GPM6A: variants seen among roughly 807,000 people sequenced by gnomAD.
GPM6A encodes glycoprotein M6A, also known as neuronal membrane glycoprotein M6-a.
GPM6A carries 7 observed loss-of-function variants against 32.1 expected under a neutral mutation model. That is an observed-to-expected ratio of 0.22 (90% CI 0.12 to 0.41). GPM6A has a LOEUF of 0.41. Ranked by LOEUF, GPM6A falls within the 10% of genes least tolerant of loss-of-function variation. The pLI is 1.00. For synonymous variants in GPM6A, 130 were observed against 123.4 expected (o/e 1.05, Z -0.35); for missense variants, 235 against 347.2 (o/e 0.68, Z 2.57).
At chr4:175,767,291 C>G (rs924495355) in intron 1 of GPM6A, among the ~76,000 whole-genome samples, 1 of 152,148 alleles carries the variant, frequency 6.6e-6, no homozygotes, top group African/African-American at 2.4e-5. Flanking sequence ...AAATCTGCCC[C>G]ATTTTTGGCA....
intron 1 of GPM6A, among the ~76,000 whole-genome samples, chr4:175,940,677 C>T (rs1739378045): frequency 6.6e-6 from 1 of 151,960 alleles, no homozygotes; most frequent in East Asian, 1.9e-4. Flanking sequence ...GGTGCGATCT[C>T]GGCTCACTGC....
chr4:175,679,823 G>C (rs1743580807), intron 2 of GPM6A, among the ~76,000 whole-genome samples: 1 of 152,068 alleles, frequency 6.6e-6, no homozygotes, highest in South Asian at 2.1e-4. Flanking sequence ...ATCCCTTCAA[G>C]CTGGTTCTTG....
intron 2 of GPM6A, among the ~76,000 whole-genome samples, chr4:175,692,969 T>C (rs914235087): frequency 1.9e-4 from 29 of 152,094 alleles, no homozygotes; most frequent in African/African-American, 6.3e-4. Flanking sequence ...TATAGTATAA[T>C]ATTAATTACC....
At chr4:175,986,196 C>T (rs1423836390) in intron 1 of GPM6A, among the ~76,000 whole-genome samples, 2 of 152,058 alleles carry the variant, frequency 1.3e-5, no homozygotes, top group Non-Finnish European at 2.9e-5. Flanking sequence ...AGCTCTTTAA[C>T]CATCCCTCCA....
intron 2 of GPM6A, among the ~76,000 whole-genome samples, chr4:175,674,085 C>G (rs1024244555): frequency 1.3e-5 from 2 of 152,162 alleles, no homozygotes; most frequent in African/African-American, 2.4e-5. Flanking sequence ...TTCTTCTTTT[C>G]TAACTTCTCC....
rs572810366 is a variant in GPM6A, at chr4:175,750,289, C to G, written c.38-48522G>C. Among the ~76,000 whole-genome samples, 6 of 152,172 alleles carry G rather than the reference C, an allele frequency of 3.9e-5. No individual in the cohort carries two copies. In the East Asian group the frequency reaches 1.2e-3, roughly 29 times the overall value. On this transcript the variant is annotated intron_variant, in intron 1 of 6. Coordinates refer to ENST00000393658, the MANE Select transcript of GPM6A (RefSeq NM_201591.3). Reference sequence around the variant, plus strand: ...GCCAGGCTAGTCTGGAACTCTTGACCTCAGGTGATCCACCCGCCTTGGCCT... The same window carrying G: ...GCCAGGCTAGTCTGGAACTCTTGACGTCAGGTGATCCACCCGCCTTGGCCT...
Position 175,637,305 on chromosome 4 carries a change from T to A in GPM6A, c.685-2248A>T, listed in dbSNP as rs1305973622. ...ATTATATAAAATATATATTATATAT[T>A]ATATATAATATAAAATATATATTAT... On this transcript the variant is annotated intron_variant, in intron 6 of 6. Coordinates refer to ENST00000393658, the MANE Select transcript of GPM6A (RefSeq NM_201591.3). 5.6e-4 allele frequency among the ~76,000 whole-genome samples: 44 copies of A among 78,736 alleles called. 1 individual carries two copies. The highest frequency in any genetic ancestry group is 1.7e-3 in the East Asian group (3 of 1,806). The allele number at this position is 78,736 out of a possible 152,430, so 51.7% of individuals were successfully genotyped here. A position where few individuals can be genotyped will look rare whatever the true frequency, so the allele number is the denominator to read the frequency against.
intron 4 of GPM6A, among the ~76,000 whole-genome samples, chr4:175,642,706 G>T (rs1219766818): frequency 2.0e-5 from 3 of 151,768 alleles, no homozygotes; most frequent in African/African-American, 7.3e-5. Flanking sequence ...CTCTTAAGTT[G>T]CAGCTTCCCA....
chr4:175,802,790 A>C (rs558269095), intron 1 of GPM6A, among the ~76,000 whole-genome samples: 3 of 152,218 alleles, frequency 2.0e-5, no homozygotes, highest in African/African-American at 7.2e-5. Flanking sequence ...TTCAGTAACC[A>C]TTTGCTGAAT....
intron 3 of GPM6A, among the ~76,000 whole-genome samples, chr4:175,652,485 T>C (rs1741864095): frequency 6.6e-6 from 1 of 152,082 alleles, no homozygotes; most frequent in South Asian, 2.1e-4. Context: ...TAGTATATAA[T>C]ATTAGTGTGT....
chr4:175,915,871 C>T (rs1320351493), intron 1 of GPM6A, among the ~76,000 whole-genome samples: 1 of 152,172 alleles, frequency 6.6e-6, no homozygotes, highest in African/African-American at 2.4e-5. Flanking sequence ...GTTGTTTGTG[C>T]ATCTCCAAAT....
intron 1 of GPM6A, among the ~76,000 whole-genome samples, chr4:175,731,555 C>T (rs1247032775): frequency 1.3e-5 from 2 of 152,194 alleles, no homozygotes; most frequent in African/African-American, 4.8e-5. Context: ...CAATATCTGG[C>T]ACAGGCCAGG....
At chr4:175,866,663 C>G (rs1010425333) in intron 1 of GPM6A, among the ~76,000 whole-genome samples, 1 of 152,060 alleles carries the variant, frequency 6.6e-6, no homozygotes, top group Non-Finnish European at 1.5e-5. Context: ...AATCCATTCA[C>G]CTACTAAGGA....
At chr4:175,796,745 A>T (rs1258558790) in intron 1 of GPM6A, among the ~76,000 whole-genome samples, 2 of 152,190 alleles carry the variant, frequency 1.3e-5, no homozygotes, top group African/African-American at 4.8e-5. Flanking sequence ...GTGAAGTTTA[A>T]TTCCTATGGG....
intron 1 of GPM6A, among the ~76,000 whole-genome samples, chr4:175,998,069 T>A (rs771311716): frequency 1.3e-5 from 2 of 152,210 alleles, no homozygotes; most frequent in Non-Finnish European, 2.9e-5. Context: ...TTTTCCTTTT[T>A]GTTCCTGTGT....
intron 1 of GPM6A, among the ~76,000 whole-genome samples, chr4:175,747,675 A>G (rs1732163261): frequency 6.6e-6 from 1 of 152,152 alleles, no homozygotes; most frequent in Admixed American, 6.6e-5. Context: ...AGCAAGTCTT[A>G]ATCTTTTTGC....
chr4:175,975,540 T>C (rs1202102770), intron 1 of GPM6A, among the ~76,000 whole-genome samples: 1 of 152,186 alleles, frequency 6.6e-6, no homozygotes, highest in Non-Finnish European at 1.5e-5. Context: ...AGTAAATGAA[T>C]GGGCACAAAA....
At chr4:175,884,630 C>T (rs1411302915) in intron 1 of GPM6A, among the ~76,000 whole-genome samples, 2 of 152,082 alleles carry the variant, frequency 1.3e-5, no homozygotes, top group Non-Finnish European at 2.9e-5. Context: ...CTCCTGGGTT[C>T]AAGCAATTCT....
chr4:175,922,666 T>A (rs910002389), intron 1 of GPM6A, among the ~76,000 whole-genome samples: 9 of 152,206 alleles, frequency 5.9e-5, no homozygotes. Context: ...TCTACATAGA[T>A]GAAACTAGCT....
Sources: gnomAD v4.1 joint callset for allele counts (sites outside exome capture counted in the v4.1 genomes callset) on GRCh38, gnomAD v4.1.1 for gene constraint, MANE v1.5 for transcripts, NCBI Gene and HGNC (gene_info 2026-07-23, HGNC 2026-07-21) for gene names.